The following AK8 variants were observed in gnomAD, a reference collection of about 807,000 sequenced individuals.
AK8 encodes adenylate kinase 8, also known as ATP-AMP transphosphorylase 8.
In AK8, 44 loss-of-function variants were observed where a neutral mutation model predicts 54.6. That is an observed-to-expected ratio of 0.81 (90% CI 0.63 to 1.04). The LOEUF (loss-of-function observed/expected upper bound fraction) is 1.04, where lower values mean the gene tolerates loss of function less well. AK8 is among the 50% of genes least tolerant of loss of function. The probability of loss-of-function intolerance (pLI) is 0.00; values close to 1 mark genes in which losing one functional copy is unlikely to be tolerated. For missense variants in AK8, 555 were observed against 613.6 expected (o/e 0.90, Z 1.01); for synonymous variants, 239 against 245.6 (o/e 0.97, Z 0.25).
At chr9:132,795,317 C>T (rs1161346991) in intron 10 of AK8, among the ~76,000 whole-genome samples, 1 of 148,580 alleles carries the variant, frequency 6.7e-6, no homozygotes, top group Non-Finnish European at 1.5e-5. Flanking sequence ...TTGGGGCTCC[C>T]CTCCTGCTAT....
intron 11 of AK8, among the ~76,000 whole-genome samples, chr9:132,738,849 G>A (rs1837238794): frequency 6.6e-6 from 1 of 150,654 alleles, no homozygotes; most frequent in Admixed American, 6.6e-5. Flanking sequence ...CTATCTCCCG[G>A]GCTCAAGTGA....
At chr9:132,733,219 A>G (rs1033403073) in intron 11 of AK8, among the ~76,000 whole-genome samples, 2 of 151,936 alleles carry the variant, frequency 1.3e-5, no homozygotes, top group African/African-American at 4.8e-5. Context: ...AATAACAGCC[A>G]CTAAAAAAAA....
Position 132,828,157 on chromosome 9 carries a change from C to T in AK8, c.485-73G>A, listed in dbSNP as rs115375629. 4 of 1,330,092 alleles carry T rather than the reference C, an allele frequency of 3.0e-6. No individual in the cohort carries two copies. In the African/African-American group the frequency reaches 4.4e-5, roughly 15 times the overall value. 82.4% of individuals were successfully genotyped at this position (1,330,092 alleles called of 1,614,324 possible). ...TGCCACACATTTGAATATCACAGAC[C>T]AATACTTGCTTTACGTTTTTTGCTT... On this transcript the variant is annotated intron_variant, in intron 6 of 12. Transcript: ENST00000298545.
intron 8 of AK8, among the ~76,000 whole-genome samples, chr9:132,823,639 G>T (rs2131293762): frequency 6.6e-6 from 1 of 152,306 alleles, no homozygotes; most frequent in South Asian, 2.1e-4. Context: ...GCTGAACTAG[G>T]GCTGGCTGTG....
chr9:132,875,902 G>C (rs371604709), intron 1 of AK8, among the ~76,000 whole-genome samples: 1 of 152,234 alleles, frequency 6.6e-6, no homozygotes, highest in African/African-American at 2.4e-5. Context: ...AATGTTACCA[G>C]CCAGATTTCT....
intron 10 of AK8, among the ~76,000 whole-genome samples, chr9:132,795,051 C>A (rs215191): frequency 0.05 from 7,535 of 152,196 alleles, 623 homozygotes; most frequent in African/African-American, 0.17. Context: ...GTGGTCAGGG[C>A]GTGCCAGCAA....
At chr9:132,834,565 C>T (rs1842239688) in intron 5 of AK8, among the ~76,000 whole-genome samples, 1 of 152,168 alleles carries the variant, frequency 6.6e-6, no homozygotes, top group Non-Finnish European at 1.5e-5. Context: ...TAGCAGGAAC[C>T]CGTTACCCCT....
At chr9:132,863,466 A>G (rs1481377298) in intron 4 of AK8, among the ~76,000 whole-genome samples, 199 bp downstream of exon 4, 1 of 152,260 alleles carries the variant, frequency 6.6e-6, no homozygotes, top group Non-Finnish European at 1.5e-5. Context: ...TCACCTCGGT[A>G]CCCAACAGGA....
chr9:132,878,100 C>T lies in AK8; in HGVS notation c.84+72G>A, dbSNP rs778002887. ...CTCGGCCCCAGCTGCGGGTCCCGGC[C>T]GCGCACCCGACGTCGCAGTGGAGGC... is the stretch of plus-strand genomic sequence containing the variant. On this transcript the variant is annotated intron_variant, in intron 1 of 12. Coordinates refer to ENST00000298545, the MANE Select transcript of AK8 (RefSeq NM_152572.3). The surrounding 1 kb of genome is among the most constrained non-coding windows in gnomAD (Gnocchi z 4.7). The T allele has an allele frequency of 5.8e-6, 9 of 1,542,018 alleles. No individual in the cohort carries two copies. The highest frequency in any genetic ancestry group is 1.7e-4 in the Middle Eastern group (1 of 5,836).
At chr9:132,873,441 G>C (rs892217380) in intron 2 of AK8, among the ~76,000 whole-genome samples, 2 of 152,194 alleles carry the variant, frequency 1.3e-5, no homozygotes, top group Non-Finnish European at 2.9e-5. Flanking sequence ...AGGGAGGTGG[G>C]GGGGTGGCAG....
chr9:132,843,726 C>T (rs1020147714), intron 5 of AK8, among the ~76,000 whole-genome samples: 4 of 152,178 alleles, frequency 2.6e-5, no homozygotes, highest in Admixed American at 6.5e-5. Flanking sequence ...TGTTTAAAGT[C>T]ATCCTCAGAA....
At chr9:132,782,018 A>C (rs1839492822) in intron 11 of AK8, among the ~76,000 whole-genome samples, 1 of 152,196 alleles carries the variant, frequency 6.6e-6, no homozygotes, top group Admixed American at 6.5e-5. Flanking sequence ...TTAAATCTAC[A>C]TTGTAAATCA....
At chr9:132,873,669 C>T (rs913628967) in intron 2 of AK8, among the ~76,000 whole-genome samples, 2 of 152,126 alleles carry the variant, frequency 1.3e-5, no homozygotes, top group African/African-American at 4.8e-5. Flanking sequence ...AGATGCTCTC[C>T]GCAGCCCTGG....
At chr9:132,797,195 C>T (rs890151550) in intron 10 of AK8, among the ~76,000 whole-genome samples, 2 of 150,968 alleles carry the variant, frequency 1.3e-5, no homozygotes, top group South Asian at 4.3e-4. Context: ...CACCCCAATG[C>T]CCACCCCATG....
intron 11 of AK8, among the ~76,000 whole-genome samples, chr9:132,773,371 T>C (rs1246980303): frequency 6.6e-6 from 1 of 152,116 alleles, no homozygotes; most frequent in African/African-American, 2.4e-5. Context: ...TGGCCCTCTA[T>C]AAACACACCA....
chr9:132,793,592 A>G (rs2131171686), intron 10 of AK8, among the ~76,000 whole-genome samples: 1 of 152,324 alleles, frequency 6.6e-6, no homozygotes, highest in South Asian at 2.1e-4. Context: ...CCCAAGAATC[A>G]CAGAACTAGT....
At chr9:132,764,936 T>TGA (rs1412963420) in intron 11 of AK8, among the ~76,000 whole-genome samples, 6 of 152,166 alleles carry the variant, frequency 3.9e-5, no homozygotes, top group African/African-American at 1.4e-4. Context: ...ACATCCTTGA[T>TGA]GGACACAGAA....
chr9:132,759,114 T>C (rs1590206263), intron 11 of AK8, among the ~76,000 whole-genome samples: 1 of 150,246 alleles, frequency 6.7e-6, no homozygotes, highest in Non-Finnish European at 1.5e-5. Flanking sequence ...GAGGACTGCT[T>C]GAACCTGGGA....
rs1238697075 is a variant in AK8 at position 132,725,721 on chromosome 9, C to A, written c.1407G>T (p.Gly469=). The A allele has an allele frequency of 1.3e-6, 2 of 1,582,470 alleles. No homozygotes were observed. Among genetic ancestry groups the A allele is most frequent in the Non-Finnish European group, 1.7e-6 (2 of 1,162,842 alleles). The change falls in exon 13 of 13, where the codon GGG becomes GGT. Residue 469 remains glycine (G), a synonymous_variant. Coordinates refer to ENST00000298545, the MANE Select transcript of AK8 (RefSeq NM_152572.3). ...TTTTCTTGGGCAGGGGATTAATGAT[C>A]CCACTCTCGATGTATTCGAAGACTG... ...PYTVFEYIES[G]IINPLPKKIP
Sources: gnomAD v4.1 joint callset for allele counts (sites outside exome capture counted in the v4.1 genomes callset) on GRCh38, gnomAD v4.1.1 for gene constraint, Gnocchi (gnomAD v3.1) non-coding constraint, MANE v1.5 for transcripts, NCBI Gene and HGNC (gene_info 2026-07-23, HGNC 2026-07-21) for gene names.